The following SYCE3 variants were observed in gnomAD, a reference collection of about 807,000 sequenced individuals.
The protein encoded by SYCE3 is testis highly expressed gene 2 protein.
In SYCE3, 3 loss-of-function variants were observed where a neutral mutation model predicts 8.1. The observed-to-expected ratio is 0.37, with a 90% confidence interval of 0.17 to 0.96. SYCE3 has a LOEUF of 0.96. Ranked by LOEUF, SYCE3 falls within the 40% of genes least tolerant of loss-of-function variation. SYCE3 has a pLI of 0.41. For missense variants in SYCE3, 83 were observed against 110.0 expected, an observed-to-expected ratio of 0.75 and a Z score of 1.10; for synonymous variants, 36 against 38.7, an observed-to-expected ratio of 0.93 and a Z score of 0.26.
intron 2 of SYCE3, among the ~76,000 whole-genome samples, chr22:50,555,071 G>T (rs1336688132): frequency 6.6e-6 from 1 of 152,056 alleles, no homozygotes; most frequent in South Asian, 2.1e-4. Flanking sequence ...GCAGTGAGCC[G>T]AGATCACGCC....
intron 2 of SYCE3, among the ~76,000 whole-genome samples, chr22:50,554,194 C>CAA (rs397954769): frequency 1.7e-4 from 19 of 108,634 alleles, no homozygotes; most frequent in South Asian, 8.6e-4. Flanking sequence ...GACTCTGTCT[C>CAA]AAAAAAAAAA....
intron 2 of SYCE3, among the ~76,000 whole-genome samples, chr22:50,551,754 C>T (rs896865948): frequency 6.6e-6 from 1 of 152,172 alleles, no homozygotes; most frequent in African/African-American, 2.4e-5. Flanking sequence ...TGCAGGTGAC[C>T]CCTAAGGAGT....
In SYCE3 at chr22:50,551,343, C is replaced by G. The variant is rs146628983; in HGVS notation, c.169G>C (p.Glu57Gln). Reference sequence around the variant, plus strand: ...GCATCCTCCAGCCGACGCATGGACTCGGCCAGCGTAGGGTTGGTGCGCATC... The same window carrying G: ...GCATCCTCCAGCCGACGCATGGACTGGGCCAGCGTAGGGTTGGTGCGCATC... ...VVMRTNPTLAESMRRLEDAFV... is the reference protein window; with the variant it reads ...VVMRTNPTLAQSMRRLEDAFV... Residue 57 changes from glutamate to glutamine, a missense_variant, in exon 3 of 3, where the codon GAG (glutamate) becomes CAG (glutamine). Glu to Gln is a conservative substitution (Grantham distance 29, BLOSUM62 2). Transcript: ENST00000406915. The G allele has an allele frequency of 6.4e-7, 1 of 1,551,222 alleles. No individual in the cohort carries two copies. The highest frequency in any genetic ancestry group is 1.2e-5 in the South Asian group (1 of 84,066).
At position 50,551,335 on chromosome 22, in the gene SYCE3, C is replaced by G. The variant is rs2069806372; in HGVS notation, c.177G>C (p.Met59Ile). 1 of 1,551,330 alleles carries G rather than the reference C, an allele frequency of 6.4e-7. No individual in the cohort carries two copies. The part of the protein sequence containing the change: ...MRTNPTLAES[M>I]RRLEDAFVNC... ...TGACGAAGGCATCCTCCAGCCGACG[C>G]ATGGACTCGGCCAGCGTAGGGTTGG... The change falls in exon 3 of 3, where the codon ATG becomes ATC. Residue 59 changes from methionine (M) to isoleucine (I), a missense_variant. Physicochemically the swap from Met to Ile is conservative, Grantham distance 10. Coordinates refer to ENST00000406915, the MANE Select transcript of SYCE3 (RefSeq NM_001123225.3).
chr22:50,555,778 C>T (rs913963443), intron 2 of SYCE3, among the ~76,000 whole-genome samples: 1 of 149,402 alleles, frequency 6.7e-6, no homozygotes, highest in Non-Finnish European at 1.5e-5. Flanking sequence ...CTTTCCAGAT[C>T]GAACCAATGT....
chr22:50,551,683 A>G (rs1351033835), intron 2 of SYCE3, among the ~76,000 whole-genome samples: 1 of 152,250 alleles, frequency 6.6e-6, no homozygotes, highest in Non-Finnish European at 1.5e-5. Context: ...CTGATACGAA[A>G]TGTGAGGAGA....
rs2069808184 is a variant in SYCE3 at position 50,551,417 on chromosome 22, C to T, written c.110-15G>A. 4 of 1,543,718 alleles carry T rather than the reference C, an allele frequency of 2.6e-6. No homozygotes were observed. In the East Asian group the frequency reaches 7.3e-5, roughly 28 times the overall value. ...GGTCGCCTGCACTGCAACAAGCAGA[C>T]AGGACTGGTCAGGCCACAGGGAGGG... On this transcript the variant is annotated splice_polypyrimidine_tract_variant and intron_variant, in intron 2 of 2. Transcript: ENST00000406915.
chr22:50,553,072 C>T lies in SYCE3; in HGVS notation c.110-1670G>A, dbSNP rs570914254. ...ATTTAGCTGGGCATGGTGGTGTGCA[C>T]CTGTAGTTGCAACTACTCAGGAGGC... On this transcript the variant is annotated intron_variant, in intron 2 of 2. Transcript: ENST00000406915. Among the ~76,000 whole-genome samples the T allele has an allele frequency of 3.9e-5, 6 of 152,170 alleles. No homozygotes were observed. The South Asian group carries it at 8.3e-4, about 21-fold the overall frequency.
chr22:50,553,605 G>A (rs775430019), intron 2 of SYCE3, among the ~76,000 whole-genome samples: 1 of 152,032 alleles, frequency 6.6e-6, no homozygotes, highest in Non-Finnish European at 1.5e-5. Context: ...TCACAGAAGA[G>A]AGAGTCTCGC....
At chr22:50,555,971 T>A (rs914583358) in intron 2 of SYCE3, among the ~76,000 whole-genome samples, 2 of 152,064 alleles carry the variant, frequency 1.3e-5, no homozygotes, top group African/African-American at 4.8e-5. Flanking sequence ...TTTTTTGTAT[T>A]TTTAGTAGAG....
At chr22:50,551,831 T>C (rs765665802) in intron 2 of SYCE3, among the ~76,000 whole-genome samples, 2 of 152,174 alleles carry the variant, frequency 1.3e-5, no homozygotes, top group African/African-American at 2.4e-5. Flanking sequence ...CCAAACCTCA[T>C]GTCACCTTAT....
chr22:50,557,318 G>A (rs1456451504), intron 1 of SYCE3, among the ~76,000 whole-genome samples: 2 of 151,844 alleles, frequency 1.3e-5, no homozygotes, highest in Non-Finnish European at 1.5e-5. Flanking sequence ...CACCACGCCC[G>A]GCTAATTTTG....
Position 50,551,148 on chromosome 22 carries a change from G to T in SYCE3, c.*97C>A. On this transcript the variant is annotated 3_prime_UTR_variant, in exon 3 of 3. Transcript: ENST00000406915. ...ATAAGTTTATTAAGAAACAAGTACA[G>T]TGCATACAGCTATTCATGTGGGTGC... is the stretch of plus-strand genomic sequence containing the variant. 3.5e-6 allele frequency: 5 copies of T among 1,432,996 alleles called. No individual in the cohort carries two copies. The highest frequency in any genetic ancestry group is 4.7e-6 in the Non-Finnish European group (5 of 1,057,410). The allele number at this position is 1,432,996 out of a possible 1,614,324, so 88.8% of individuals were successfully genotyped here.
At position 50,552,540 on chromosome 22, in the gene SYCE3, C is replaced by T. The variant is rs1481199914; in HGVS notation, c.110-1138G>A. ...GGGTGTGGTGGTGGGTGCCTGTAGTCCCAGCTACTAGAGAGGCTGAGGCAG... is the reference window on the plus strand; with the variant it reads ...GGGTGTGGTGGTGGGTGCCTGTAGTTCCAGCTACTAGAGAGGCTGAGGCAG... On this transcript the variant is annotated intron_variant, in intron 2 of 2. Transcript: ENST00000406915. 4.6e-5 allele frequency among the ~76,000 whole-genome samples: 7 copies of T among 152,102 alleles called. No individual in the cohort carries two copies. The East Asian group carries it at 1.2e-3, about 25-fold the overall frequency.
At chr22:50,557,921 G>A (rs974121967) in intron 1 of SYCE3, among the ~76,000 whole-genome samples, 5 of 152,112 alleles carry the variant, frequency 3.3e-5, no homozygotes, top group African/African-American at 1.2e-4. Flanking sequence ...GACTTCCTGG[G>A]CCTCCCTCAT....
chr22:50,559,414 A>C (rs915531486), intron 1 of SYCE3, among the ~76,000 whole-genome samples: 3 of 152,194 alleles, frequency 2.0e-5, no homozygotes, highest in Non-Finnish European at 4.4e-5. Context: ...GGTGTGAGCC[A>C]CTATGCCTGG....
intron 1 of SYCE3, 172 bp from the exon 2 acceptor site, chr22:50,556,577 A>T: frequency 1.8e-6 from 1 of 551,040 alleles, no homozygotes; most frequent in Non-Finnish European, 3.2e-6. Context: ...ACATGTCTAA[A>T]GGCCCCAGCA....
intron 2 of SYCE3, 116 bp downstream of exon 2, chr22:50,556,180 CA>C: frequency 1.5e-6 from 1 of 677,120 alleles, no homozygotes; most frequent in Non-Finnish European, 2.5e-6. Flanking sequence ...CAACCTTGAA[CA>C]TATGTCCTGA....
intron 2 of SYCE3, among the ~76,000 whole-genome samples, chr22:50,553,845 T>A (rs550707517): frequency 6.6e-6 from 1 of 152,198 alleles, no homozygotes; most frequent in East Asian, 1.9e-4. Context: ...CTTCCCAAAG[T>A]GCTGGGTTTA....
Sources: gnomAD v4.1 joint callset for allele counts (sites outside exome capture counted in the v4.1 genomes callset) on GRCh38, gnomAD v4.1.1 for gene constraint, MANE v1.5 for transcripts, NCBI Gene and HGNC (gene_info 2026-07-23, HGNC 2026-07-21) for gene names.